CCDC3: variants seen among roughly 807,000 people sequenced by gnomAD.
CCDC3 encodes the protein coiled-coil domain containing 3, also known as coiled-coil domain-containing protein 3.
In CCDC3, 24 loss-of-function variants were observed where a neutral mutation model predicts 21.4. The ratio of observed to expected loss-of-function variants is 1.12; its 90% CI spans 0.81 to 1.58. The LOEUF (loss-of-function observed/expected upper bound fraction) is 1.58. Ranked by LOEUF, CCDC3 falls within the 40% of genes most tolerant of loss-of-function variation. The pLI, the probability that CCDC3 is intolerant of heterozygous loss-of-function variation, is 0.00. For synonymous variants in CCDC3, 186 were observed against 166.0 expected, an observed-to-expected ratio of 1.12 and a Z score of -0.93; for missense variants, 425 against 360.9, an observed-to-expected ratio of 1.18 and a Z score of -1.44.
At chr10:12,904,702 G>C (rs1405998585) in intron 2 of CCDC3, among the ~76,000 whole-genome samples, 3 of 151,952 alleles carry the variant, frequency 2.0e-5, no homozygotes, top group African/African-American at 7.3e-5. Flanking sequence ...TAAGTTTCCT[G>C]GTTTCTCCGG....
At chr10:13,078,989 A>T (rs1364391582) in intron 3 of CCDC3, among the ~76,000 whole-genome samples, 5 of 152,104 alleles carry the variant, frequency 3.3e-5, no homozygotes, top group African/African-American at 1.2e-4. Context: ...GTGCACATGT[A>T]CCCTAGAACT....
chr10:12,991,162 T>C (rs970510081), intron 2 of CCDC3, among the ~76,000 whole-genome samples: 6 of 152,194 alleles, frequency 3.9e-5, no homozygotes, highest in African/African-American at 1.4e-4. Flanking sequence ...TTCTATCTGA[T>C]TTTTAGTCTA....
At chr10:12,908,428 C>T (rs1467273635) in intron 2 of CCDC3, among the ~76,000 whole-genome samples, 4 of 152,108 alleles carry the variant, frequency 2.6e-5, no homozygotes, top group Non-Finnish European at 5.9e-5. Context: ...TGCTCAGTTA[C>T]GAGCGGTCTC....
chr10:12,942,589 ACAGTAATGAAGCAGGCAACATGGCAC>A (rs1017963384), intron 2 of CCDC3, among the ~76,000 whole-genome samples: 1 of 152,212 alleles, frequency 6.6e-6, no homozygotes, highest in African/African-American at 2.4e-5. Flanking sequence ...AACCACATGT[ACAGTAATGAAGCAGGCAACATGGCAC>A]CGGCCAGGTA....
At chr10:13,078,292 A>G (rs1022505082) in intron 3 of CCDC3, among the ~76,000 whole-genome samples, 64 of 152,324 alleles carry the variant, frequency 4.2e-4, no homozygotes, top group African/African-American at 1.5e-3. Flanking sequence ...GAGAAATGCA[A>G]ATCAAAACCA....
intron 1 of CCDC3, 135 bp downstream of exon 1, chr10:13,001,062 G>T: frequency 8.8e-7 from 1 of 1,133,804 alleles, no homozygotes. Context: ...GAAGGCAAGG[G>T]GTAGGCGCCC....
At chr10:13,036,798 T>A (rs1836383268) in intron 5 of CCDC3, among the ~76,000 whole-genome samples, 2 of 151,844 alleles carry the variant, frequency 1.3e-5, no homozygotes, top group South Asian at 2.1e-4. Context: ...ATGTACATTT[T>A]TTTTTTTTTG....
At chr10:12,991,537 T>C (rs1351474765) in intron 2 of CCDC3, among the ~76,000 whole-genome samples, 1 of 152,166 alleles carries the variant, frequency 6.6e-6, no homozygotes, top group Non-Finnish European at 1.5e-5. Flanking sequence ...TATCACCATG[T>C]TGGCGAGGCT....
intron 2 of CCDC3, among the ~76,000 whole-genome samples, chr10:12,953,791 A>G (rs1164900040): frequency 6.6e-6 from 1 of 152,184 alleles, no homozygotes. Context: ...TAGGGAGAAG[A>G]AGAGAACAAC....
chr10:13,035,859 T>C (rs1836370798), intron 5 of CCDC3, among the ~76,000 whole-genome samples: 1 of 152,104 alleles, frequency 6.6e-6, no homozygotes, highest in Admixed American at 6.6e-5. Flanking sequence ...AACAAGTGGC[T>C]GCCCGGCCAG....
At chr10:13,035,468 T>G (rs1327902562) in intron 5 of CCDC3, among the ~76,000 whole-genome samples, 1 of 152,184 alleles carries the variant, frequency 6.6e-6, no homozygotes. Context: ...CAAAAACACT[T>G]TGCCAGAACA....
chr10:12,970,948 G>A (rs905279386), intron 2 of CCDC3, among the ~76,000 whole-genome samples: 4 of 151,822 alleles, frequency 2.6e-5, no homozygotes, highest in African/African-American at 4.8e-5. Flanking sequence ...AAAGCACTTC[G>A]CAAAGTTTGG....
At chr10:13,011,997 G>A (rs568673750) in intron 5 of CCDC3, among the ~76,000 whole-genome samples, 88 of 151,758 alleles carry the variant, frequency 5.8e-4, no homozygotes, top group African/African-American at 1.8e-3. Flanking sequence ...CTAGCAATAC[G>A]TGGAAGATTG....
chr10:12,968,545 A>G (rs931465636), intron 2 of CCDC3, among the ~76,000 whole-genome samples: 18 of 152,264 alleles, frequency 1.2e-4, no homozygotes, highest in African/African-American at 4.3e-4. Flanking sequence ...ACATCAAAGT[A>G]TAAAACTCAT....
chr10:12,901,416 G>T (rs1213693253), intron 2 of CCDC3, among the ~76,000 whole-genome samples: 4 of 152,046 alleles, frequency 2.6e-5, no homozygotes, highest in African/African-American at 9.7e-5. Context: ...GGGACTACAG[G>T]CACGAGCCAC....
Position 12,970,391 on chromosome 10 carries a change from TG to T in CCDC3, c.549+27946del, listed in dbSNP as rs1589025828. On this transcript the variant is annotated intron_variant, in intron 2 of 2. Coordinates refer to ENST00000378825, the MANE Select transcript of CCDC3 (RefSeq NM_031455.4). ...ATTGCTGTACAACCCCATCGTAAGT[TG>T]AGGTACATCTGTAGTATGTATTGGA... Among the ~76,000 whole-genome samples the T allele has an allele frequency of 2.6e-5, 4 of 152,260 alleles. No homozygotes were observed. The East Asian group carries it at 7.7e-4, about 29-fold the overall frequency.
intron 2 of CCDC3, among the ~76,000 whole-genome samples, chr10:12,957,904 G>A (rs1835117803): frequency 6.6e-6 from 1 of 152,110 alleles, no homozygotes; most frequent in Non-Finnish European, 1.5e-5. Context: ...GGAGTGCAGT[G>A]GCGTGATCTT....
At chr10:13,060,743 C>A (rs1836747071) in intron 4 of CCDC3, among the ~76,000 whole-genome samples, 1 of 152,134 alleles carries the variant, frequency 6.6e-6, no homozygotes, top group African/African-American at 2.4e-5. Context: ...TGGCCTCAAG[C>A]AGTCCTCCCT....
intron 2 of CCDC3, among the ~76,000 whole-genome samples, chr10:12,962,552 A>G (rs1589023117): frequency 6.6e-6 from 1 of 152,294 alleles, no homozygotes; most frequent in East Asian, 1.9e-4. Context: ...GCAGTAAGCC[A>G]AGATCGCACC....
Sources: allele counts gnomAD v4.1 joint callset (sites outside exome capture counted in the v4.1 genomes callset), GRCh38; gene constraint gnomAD v4.1.1; transcripts MANE v1.5; gene names NCBI Gene and HGNC (gene_info 2026-07-23, HGNC 2026-07-21).